Variants in ANKRD11 observed in about 807,000 individuals in gnomAD.
ANKRD11 encodes ankyrin repeat domain 11, also known as ankyrin repeat domain-containing protein 11.
ANKRD11 carries 17 observed loss-of-function variants against 195.7 expected under a neutral mutation model. The observed-to-expected ratio is 0.09, with a 90% confidence interval of 0.06 to 0.13. The LOEUF is 0.13. ANKRD11 is among the 10% of genes least tolerant of loss of function. The pLI, the probability that ANKRD11 is intolerant of heterozygous loss-of-function variation, is 1.00. For synonymous variants in ANKRD11, 1,953 were observed against 1,528.1 expected, an observed-to-expected ratio of 1.28 and a Z score of -6.49; for missense variants, 3,735 against 3,566.1, an observed-to-expected ratio of 1.05 and a Z score of -1.21.
chr16:89,314,158 G>A (rs754871254), intron 3 of ANKRD11, among the ~76,000 whole-genome samples: 19 of 151,986 alleles, frequency 1.3e-4, no homozygotes, highest in Admixed American at 2.6e-4. Flanking sequence ...TGGGGCAGTG[G>A]GGCAGGGTGG....
At chr16:89,388,385 C>T (rs948170401) in intron 2 of ANKRD11, among the ~76,000 whole-genome samples, 4 of 151,038 alleles carry the variant, frequency 2.6e-5, no homozygotes, top group Admixed American at 2.0e-4. Context: ...CCGCCTTGGC[C>T]TCCCAAAGTA....
Position 89,290,844 on chromosome 16 carries a change from G to T in ANKRD11, c.398-16C>A, listed in dbSNP as rs1448859462. The T allele has an allele frequency of 6.2e-7, 1 of 1,612,822 alleles. No homozygotes were observed. The highest frequency in any genetic ancestry group is 8.5e-7 in the Non-Finnish European group (1 of 1,179,774). On this transcript the variant is annotated splice_polypyrimidine_tract_variant and intron_variant, in intron 5 of 12. Coordinates refer to ENST00000301030, the MANE Select transcript of ANKRD11 (RefSeq NM_013275.6). ...GTTGTGTCCACTGCAGGCCAAGGAGGGGACAGATGGGCATTACTGTGGGGT... is the reference window on the plus strand; with the variant it reads ...GTTGTGTCCACTGCAGGCCAAGGAGTGGACAGATGGGCATTACTGTGGGGT...
rs140052056 is a variant in ANKRD11, at chr16:89,388,254, GC to G, written c.-60+30029del. On this transcript the variant is annotated intron_variant, in intron 2 of 12. Transcript: ENST00000301030. Reference sequence around the variant, plus strand: ...GCAATCACCCTGCTCCAGGGCCCACGCGGGTGGTGCCGGGTGCTCTCTTCTC... The same window carrying G: ...GCAATCACCCTGCTCCAGGGCCCACGGGGTGGTGCCGGGTGCTCTCTTCTC... Among the ~76,000 whole-genome samples, 58 of 150,544 alleles carry G rather than the reference GC, an allele frequency of 3.9e-4. No homozygotes were observed. The East Asian group carries it at 0.011, about 28-fold the overall frequency.
intron 7 of ANKRD11, chr16:89,287,958 C>T (rs549009374): frequency 2.2e-5 from 10 of 461,360 alleles, no homozygotes; most frequent in Admixed American, 1.9e-4. Context: ...CAGTGAGACC[C>T]GCCGCATCTC....
chr16:89,438,312 G>A (rs1267686537), intron 1 of ANKRD11, among the ~76,000 whole-genome samples: 1 of 138,138 alleles, frequency 7.2e-6, no homozygotes, highest in Admixed American at 7.7e-5. Context: ...TTATGGCCTT[G>A]GGATAGGGAA....
intron 2 of ANKRD11, among the ~76,000 whole-genome samples, chr16:89,348,921 A>C (rs2152022830): frequency 6.6e-6 from 1 of 150,736 alleles, no homozygotes; most frequent in African/African-American, 2.4e-5. Flanking sequence ...TGAAATCACG[A>C]GTTCAAGACC....
intron 1 of ANKRD11, among the ~76,000 whole-genome samples, chr16:89,419,856 T>C (rs1402416894): frequency 6.6e-6 from 1 of 152,208 alleles, no homozygotes; most frequent in Non-Finnish European, 1.5e-5. Context: ...TGTTCAAAGC[T>C]GCCATTAACC....
At chr16:89,353,167 C>A (rs987187286) in intron 2 of ANKRD11, among the ~76,000 whole-genome samples, 1 of 152,020 alleles carries the variant, frequency 6.6e-6, no homozygotes, top group South Asian at 2.1e-4. Flanking sequence ...TATGGTGAAA[C>A]CCCGTCTCTA....
chr16:89,324,271 G>A (rs1026658573), intron 2 of ANKRD11: 1 of 1,242,032 alleles, frequency 8.1e-7, no homozygotes, highest in Non-Finnish European at 1.0e-6. Context: ...GAACATACAG[G>A]AGCCCCGTGC....
chr16:89,346,295 G>A (rs938916405), intron 2 of ANKRD11, among the ~76,000 whole-genome samples: 3 of 148,708 alleles, frequency 2.0e-5, no homozygotes, highest in Non-Finnish European at 4.5e-5. Context: ...GAGAAAATGC[G>A]CCTCAGCCAC....
intron 4 of ANKRD11, among the ~76,000 whole-genome samples, chr16:89,293,349 C>G (rs1436635522): frequency 1.3e-5 from 2 of 152,138 alleles, no homozygotes; most frequent in Non-Finnish European, 2.9e-5. Context: ...GTGGGCCCCA[C>G]TTCTGTGCTG....
At chr16:89,317,817 G>T (rs143782712) in intron 2 of ANKRD11, among the ~76,000 whole-genome samples, 25 of 151,892 alleles carry the variant, frequency 1.6e-4, no homozygotes, top group African/African-American at 6.0e-4. Context: ...CAAGTTTCTG[G>T]CCAGGGAGAG....
chr16:89,269,625 T>G (rs1467624401), intron 12 of ANKRD11, among the ~76,000 whole-genome samples: 1 of 150,224 alleles, frequency 6.7e-6, no homozygotes, highest in Non-Finnish European at 1.5e-5. Context: ...ATCCCTAAGG[T>G]TTTTTTTTAA....
intron 2 of ANKRD11, chr16:89,395,562 C>T (rs2041390293): frequency 6.6e-6 from 1 of 152,244 alleles, no homozygotes; most frequent in Admixed American, 6.5e-5. Flanking sequence ...AGGAGGGGAC[C>T]AATGGGCCAT....
chr16:89,348,854 C>T (rs2039063057), intron 2 of ANKRD11, among the ~76,000 whole-genome samples: 1 of 149,986 alleles, frequency 6.7e-6, no homozygotes, highest in Admixed American at 6.6e-5. Flanking sequence ...GGCTAAGGGG[C>T]TACCAGTTTT....
Position 89,285,713 on chromosome 16 carries a change from A to AG in ANKRD11, c.893-65dup. ...AAAACAGCTCTCCCCAGAATGGCAG[A>AG]GGAGGGAGGCTCTGCAGATGTGTCT... On this transcript the variant is annotated intron_variant, in intron 8 of 12. Transcript: ENST00000301030. This position sits in a 1 kb window ranked among gnomAD's most constrained non-coding sequence, Gnocchi z 5.6. The AG allele has an allele frequency of 6.4e-7, 1 of 1,555,916 alleles. No homozygotes were observed. Among genetic ancestry groups the AG allele is most frequent in the Non-Finnish European group, 8.9e-7 (1 of 1,127,644 alleles).
chr16:89,473,228 G>A (rs1464685899), intron 1 of ANKRD11, among the ~76,000 whole-genome samples: 2 of 151,160 alleles, frequency 1.3e-5, no homozygotes, highest in South Asian at 2.1e-4. Flanking sequence ...AGGATGAGTA[G>A]GCATCAGTCA....
At chr16:89,428,403 A>G (rs149964778) in intron 1 of ANKRD11, among the ~76,000 whole-genome samples, 6,655 of 151,584 alleles carry the variant, frequency 0.044, 192 homozygotes, top group Non-Finnish European at 0.069. Context: ...GCGGGCGCCT[A>G]TAGTCCCAGC....
At chr16:89,273,721 G>C (rs897991856) in intron 11 of ANKRD11, among the ~76,000 whole-genome samples, 2 of 151,990 alleles carry the variant, frequency 1.3e-5, no homozygotes, top group South Asian at 4.1e-4. Flanking sequence ...AATAAAATTT[G>C]TCATTGTGTA....
Sources: gnomAD v4.1 joint callset for allele counts (sites outside exome capture counted in the v4.1 genomes callset) on GRCh38, gnomAD v4.1.1 for gene constraint, Gnocchi (gnomAD v3.1) non-coding constraint, MANE v1.5 for transcripts, NCBI Gene and HGNC (gene_info 2026-07-23, HGNC 2026-07-21) for gene names.